Variants in MCTP2 observed in about 807,000 individuals in gnomAD.
MCTP2 encodes the protein multiple C2 and transmembrane domain-containing protein 2.
In MCTP2, 132 loss-of-function variants were observed where a neutral mutation model predicts 111.6. The observed-to-expected ratio is 1.18, with a 90% CI of 1.03 to 1.37. The LOEUF is 1.37. Ranked by LOEUF, MCTP2 falls within the 40% of genes most tolerant of loss-of-function variation. The probability of loss-of-function intolerance (pLI) is 0.00; values close to 1 mark genes in which losing one functional copy is unlikely to be tolerated. For synonymous variants in MCTP2, 395 were observed against 387.7 expected (o/e 1.02, Z -0.22); for missense variants, 1,183 against 1,067.9 (o/e 1.11, Z -1.50).
At chr15:94,469,838 C>G (rs1453104214) in intron 20 of MCTP2, among the ~76,000 whole-genome samples, 1 of 151,386 alleles carries the variant, frequency 6.6e-6, no homozygotes, top group African/African-American at 2.4e-5. Flanking sequence ...CATCACTGCT[C>G]TACAGCCTGG....
Position 94,367,725 on chromosome 15 carries a change from C to T in MCTP2, c.1422C>T (p.Ser474=), listed in dbSNP as rs35416438. Residue 474 remains serine (S), a synonymous_variant, in exon 11 of 23, where the codon TCC becomes TCT. Transcript: ENST00000357742. The part of the protein sequence containing the change: ...LVTLTPCAGV[S]VSDLCVCPLA... Reference sequence around the variant, plus strand: ...CACTTACACCCTGTGCGGGGGTCTCCGTCTCTGATCTGTGTGTCTGCCCCT... The same window carrying T: ...CACTTACACCCTGTGCGGGGGTCTCTGTCTCTGATCTGTGTGTCTGCCCCT... The T allele has an allele frequency of 1.0e-3, 1,627 of 1,608,478 alleles. 4 individuals are homozygous for T. Among genetic ancestry groups the T allele is most frequent in the Non-Finnish European group, 1.0e-3 (1,221 of 1,177,828 alleles).
At chr15:94,365,326 T>G (rs1207747635) in intron 10 of MCTP2, among the ~76,000 whole-genome samples, 1 of 152,216 alleles carries the variant, frequency 6.6e-6, no homozygotes, top group Admixed American at 6.5e-5. Context: ...ATATCTAAAC[T>G]ACAAATGGCT....
intron 17 of MCTP2, among the ~76,000 whole-genome samples, chr15:94,421,965 T>C (rs971724920): frequency 6.6e-6 from 1 of 152,206 alleles, no homozygotes; most frequent in Non-Finnish European, 1.5e-5. Context: ...CAAGCTCTGG[T>C]TTCTTGCATA....
At chr15:94,461,324 G>T (rs570179063) in intron 20 of MCTP2, among the ~76,000 whole-genome samples, 1 of 152,050 alleles carries the variant, frequency 6.6e-6, no homozygotes, top group African/African-American at 2.4e-5. Flanking sequence ...GCCGAGCATG[G>T]TGGCACATGC....
intron 15 of MCTP2, 79 bp downstream of exon 15, chr15:94,399,141 A>C (rs1170785174): frequency 8.1e-6 from 6 of 738,530 alleles, no homozygotes; most frequent in African/African-American, 5.4e-5. Flanking sequence ...GCTCAAATCA[A>C]TGTAAGATGT....
At chr15:94,385,715 T>A (rs539548721) in intron 14 of MCTP2, among the ~76,000 whole-genome samples, 190 bp downstream of exon 14, 1 of 152,324 alleles carries the variant, frequency 6.6e-6, no homozygotes, top group African/African-American at 2.4e-5. Context: ...GATGTAATTT[T>A]TTTCTGTTTC....
intron 18 of MCTP2, 133 bp downstream of exon 18, chr15:94,440,431 T>A: frequency 9.4e-7 from 1 of 1,063,152 alleles, no homozygotes; most frequent in Non-Finnish European, 1.4e-6. Context: ...AGGCACTCAT[T>A]TTGCAGTGGA....
intron 17 of MCTP2, among the ~76,000 whole-genome samples, chr15:94,433,909 A>G (rs34279701): frequency 2.8e-3 from 428 of 152,194 alleles, no homozygotes; most frequent in Non-Finnish European, 3.9e-3. Flanking sequence ...TTGTGTTTGA[A>G]GGATTTGGTC....
At chr15:94,422,601 A>G (rs991400561) in intron 17 of MCTP2, among the ~76,000 whole-genome samples, 1 of 152,104 alleles carries the variant, frequency 6.6e-6, no homozygotes, top group African/African-American at 2.4e-5. Flanking sequence ...GTATCTAAAT[A>G]TTTGATCATA....
chr15:94,373,390 T>G (rs540081121), intron 12 of MCTP2, among the ~76,000 whole-genome samples: 1 of 152,332 alleles, frequency 6.6e-6, no homozygotes, highest in Non-Finnish European at 1.5e-5. Flanking sequence ...AGTGTATACA[T>G]TTTCAAATGT....
intron 1 of MCTP2, among the ~76,000 whole-genome samples, chr15:94,235,274 T>A (rs894171936): frequency 2.0e-5 from 3 of 148,730 alleles, no homozygotes; most frequent in Admixed American, 1.3e-4. Context: ...AAAAAATCCC[T>A]GGTGGTTTAG....
At chr15:94,400,802 G>A (rs1417220604) in intron 16 of MCTP2, among the ~76,000 whole-genome samples, 3 of 151,984 alleles carry the variant, frequency 2.0e-5, no homozygotes, top group Non-Finnish European at 4.4e-5. Flanking sequence ...ACATAAAGCA[G>A]TTAAATATAA....
chr15:94,297,506 A>T (rs2075328423), intron 1 of MCTP2, among the ~76,000 whole-genome samples: 1 of 152,136 alleles, frequency 6.6e-6, no homozygotes, highest in Non-Finnish European at 1.5e-5. Context: ...GTGAATATAA[A>T]TTTGAAAGAT....
intron 8 of MCTP2, among the ~76,000 whole-genome samples, chr15:94,355,127 A>C (rs1289253947): frequency 6.6e-6 from 1 of 152,246 alleles, no homozygotes; most frequent in Non-Finnish European, 1.5e-5. Context: ...GGCATGGTTG[A>C]GACCATCAGG....
At chr15:94,416,779 C>T (rs185601439) in intron 17 of MCTP2, among the ~76,000 whole-genome samples, 20 of 152,158 alleles carry the variant, frequency 1.3e-4, no homozygotes, top group Admixed American at 1.1e-3. Flanking sequence ...AAAAATAGAG[C>T]CTTTGAAGAA....
intron 14 of MCTP2, among the ~76,000 whole-genome samples, chr15:94,397,673 C>G (rs900583130): frequency 6.6e-6 from 1 of 152,176 alleles, no homozygotes; most frequent in Non-Finnish European, 1.5e-5. Flanking sequence ...GGAAGATGAC[C>G]TCTCCCTTGT....
At chr15:94,243,318 T>C (rs1157108536) in intron 1 of MCTP2, among the ~76,000 whole-genome samples, 1 of 77,382 alleles carries the variant, frequency 1.3e-5, no homozygotes, top group African/African-American at 4.5e-5. Flanking sequence ...TACGTATGCG[T>C]ACATACGTAT....
chr15:94,428,097 T>A (rs1444833617), intron 17 of MCTP2, among the ~76,000 whole-genome samples: 1 of 152,212 alleles, frequency 6.6e-6, no homozygotes, highest in Non-Finnish European at 1.5e-5. Context: ...ACCATTGTTT[T>A]TGAGCACCAT....
Position 94,483,737 on chromosome 15 carries a change from G to A in MCTP2, c.*4703G>A, listed in dbSNP as rs1280156261. The A allele has an allele frequency of 6.6e-6, 1 of 152,034 alleles. No individual in the cohort carries two copies. 9.4% of individuals were successfully genotyped at this position (152,034 alleles called of 1,614,324 possible). Reference sequence around the variant, plus strand: ...AGGGTGAAAGGAGGAAGAGGATCAGGAAAAATAATGAGTACCAGGCTTAAT... The same window carrying A: ...AGGGTGAAAGGAGGAAGAGGATCAGAAAAAATAATGAGTACCAGGCTTAAT... On this transcript the variant is annotated 3_prime_UTR_variant, in exon 23 of 23. Coordinates refer to ENST00000357742, the MANE Select transcript of MCTP2 (RefSeq NM_001385001.1).
Sources: gnomAD v4.1 joint callset for allele counts (sites outside exome capture counted in the v4.1 genomes callset) on GRCh38, gnomAD v4.1.1 for gene constraint, MANE v1.5 for transcripts, NCBI Gene and HGNC (gene_info 2026-07-23, HGNC 2026-07-21) for gene names.